The following KIAA0753 variants were observed in gnomAD, a reference collection of about 807,000 sequenced individuals.
KIAA0753 encodes protein moonraker.
A neutral mutation model predicts 116.9 loss-of-function variants in KIAA0753; 114 were observed. That is an observed-to-expected ratio of 0.98 (90% CI 0.84 to 1.14). The LOEUF is 1.14. Ranked by LOEUF, KIAA0753 falls within the 50% of genes most tolerant of loss-of-function variation. The pLI is 0.00. For synonymous variants in KIAA0753, 405 were observed against 413.1 expected, an observed-to-expected ratio of 0.98 and a Z score of 0.24; for missense variants, 1,156 against 1,172.4, an observed-to-expected ratio of 0.99 and a Z score of 0.20.
chr17:6,607,308 C>T lies in KIAA0753; in HGVS notation c.1830-38G>A, dbSNP rs2289641. The T allele has an allele frequency of 3.7e-3, 5,615 of 1,533,684 alleles. 200 individuals are homozygous for T. The Admixed American group carries it at 0.071, about 19-fold the overall frequency. On this transcript the variant is annotated intron_variant, in intron 10 of 18. Transcript: ENST00000361413. ...CAAAAGAGTCAAACCAATTCTGCCT[C>T]GACACTGCAGGGTGTCATCATCACA...
chr17:6,601,145 A>C (rs937247482), intron 12 of KIAA0753: 2 of 152,330 alleles, frequency 1.3e-5, no homozygotes, highest in African/African-American at 4.8e-5. Context: ...TACCAGGTAC[A>C]TCTAGGCCTG....
chr17:6,594,282 C>G (rs1012502934), intron 16 of KIAA0753, among the ~76,000 whole-genome samples: 77 of 149,888 alleles, frequency 5.1e-4, no homozygotes, highest in Admixed American at 2.9e-3. Flanking sequence ...TTCTGACCCC[C>G]CCCCCCAGAA....
intron 7 of KIAA0753, among the ~76,000 whole-genome samples, chr17:6,614,334 A>C (rs1044650563): frequency 9.9e-5 from 15 of 152,204 alleles, no homozygotes; most frequent in Non-Finnish European, 5.9e-5. Flanking sequence ...ATTTCACTTC[A>C]TCATTGTTTA....
In KIAA0753 at chr17:6,590,550, G is replaced by A; in HGVS notation, c.2521C>T (p.Pro841Ser). Residue 841 changes from proline to serine, a missense_variant, in exon 17 of 19, where the codon CCA becomes TCA. Physicochemically the swap from Pro to Ser is moderately conservative, Grantham distance 74. Coordinates refer to ENST00000361413, the MANE Select transcript of KIAA0753 (RefSeq NM_014804.3). ...CTTTCTAACATGATGTTCACGGCTG[G>A]ATCCTTGCGATCCACTGTCTTCGTG... ...RITKTVDRKD[P>S]AVNIMLERPC... The A allele has an allele frequency of 6.2e-7, 1 of 1,614,080 alleles. No homozygotes were observed. The highest frequency in any genetic ancestry group is 1.1e-5 in the South Asian group (1 of 91,076).
At chr17:6,599,720 G>A (rs1056727818) in intron 13 of KIAA0753, among the ~76,000 whole-genome samples, 1 of 151,970 alleles carries the variant, frequency 6.6e-6, no homozygotes, top group Non-Finnish European at 1.5e-5. Context: ...GATTTCCATG[G>A]ACTCTAATAC....
intron 7 of KIAA0753, among the ~76,000 whole-genome samples, chr17:6,614,859 T>A (rs1014998438): frequency 2.0e-5 from 3 of 152,210 alleles, no homozygotes; most frequent in South Asian, 4.1e-4. Flanking sequence ...AGTGCAGTAG[T>A]GTGATCTCGG....
chr17:6,630,297 C>T (rs756733066), intron 2 of KIAA0753, among the ~76,000 whole-genome samples: 19 of 152,056 alleles, frequency 1.2e-4, no homozygotes, highest in Non-Finnish European at 2.2e-4. Flanking sequence ...CTTACCCAAC[C>T]GATTAGCAAA....
rs774793819 is a variant in KIAA0753 at position 6,635,094 on chromosome 17, C to T, written c.10G>A (p.Gly4Ser). The T allele has an allele frequency of 3.1e-6, 5 of 1,613,476 alleles. No homozygotes were observed. Among genetic ancestry groups the T allele is most frequent in the Non-Finnish European group, 4.2e-6 (5 of 1,179,436 alleles). Residue 4 changes from glycine to serine, a missense_variant, in exon 2 of 19, where the codon GGC (glycine) becomes AGC (serine). Transcript: ENST00000361413. ...TGAACACAGGTTGAAGCTGGCTGGC[C>T]TGGTCCCATAATGTCAGGTAGTACA... MGP[G>S]QPASTCVHLA...
In KIAA0753 at chr17:6,610,066, C is replaced by T. The variant is rs748721188; in HGVS notation, c.1640G>A (p.Arg547Gln). The change falls in exon 9 of 19, where the codon CGG becomes CAG. Residue 547 changes from arginine (R) to glutamine (Q), a missense_variant. Arg to Gln is a conservative substitution (Grantham distance 43). Coordinates refer to ENST00000361413, the MANE Select transcript of KIAA0753 (RefSeq NM_014804.3). ...TTVSSRLKMN[R>Q]QPVKDRKAPW... is the part of the protein sequence containing the mutation. ...TGCCTTGCGGTCTTTCACAGGCTGC[C>T]GGTTCATTTTTAATCTGGATGAAAC... is the stretch of plus-strand genomic sequence containing the variant. 21 of 1,613,902 alleles carry T rather than the reference C, an allele frequency of 1.3e-5. No homozygotes were observed. Among genetic ancestry groups the T allele is most frequent in the East Asian group, 2.2e-5 (1 of 44,902 alleles).
chr17:6,592,940 G>A (rs1444213551), intron 16 of KIAA0753, among the ~76,000 whole-genome samples: 2 of 152,048 alleles, frequency 1.3e-5, no homozygotes, highest in East Asian at 1.9e-4. Flanking sequence ...GTGGCTGCCC[G>A]GGTGGGAGAA....
chr17:6,606,726 A>G, intron 12 of KIAA0753, 147 bp downstream of exon 12: 1 of 569,960 alleles, frequency 1.8e-6, no homozygotes, highest in East Asian at 2.9e-5. Flanking sequence ...GCAAAAAAAT[A>G]TGGTATAATA....
Position 6,594,972 on chromosome 17 carries a change from C to T in KIAA0753, c.2440G>A (p.Asp814Asn), listed in dbSNP as rs1400231917. 1 of 1,604,818 alleles carries T rather than the reference C, an allele frequency of 6.2e-7. No homozygotes were observed. Residue 814 changes from aspartate to asparagine, a missense_variant and splice_region_variant, in exon 16 of 19, where the codon GAC (aspartate) becomes AAC (asparagine). Asp to Asn is a conservative substitution (Grantham distance 23, BLOSUM62 1). Transcript: ENST00000361413. ...PRLWMQEENN[D>N]QKISAISEKP... ...GGGAAAAACATGGGGAAACACTCAC[C>T]ATTGTTTTCTTCCTGCATCCAAAGT... is the stretch of plus-strand genomic sequence containing the variant.
At chr17:6,591,534 C>T (rs1969064535) in intron 16 of KIAA0753, among the ~76,000 whole-genome samples, 2 of 152,360 alleles carry the variant, frequency 1.3e-5, no homozygotes, top group Admixed American at 1.3e-4. Flanking sequence ...AGAAACGGAA[C>T]TCTTACTACG....
Position 6,579,660 on chromosome 17 carries a change from G to A in KIAA0753, c.*87C>T, listed in dbSNP as rs1967994655. ...ACCTTCTGGGCCTGGATGGACAGCT[G>A]AGGATGAAAATTTCCTGTGGGCCAA... On this transcript the variant is annotated 3_prime_UTR_variant, in exon 19 of 19. Coordinates refer to ENST00000361413, the MANE Select transcript of KIAA0753 (RefSeq NM_014804.3). The A allele has an allele frequency of 1.1e-6, 1 of 901,128 alleles. No individual in the cohort carries two copies. The highest frequency in any genetic ancestry group is 1.6e-5 in the African/African-American group (1 of 61,330). The allele number at this position is 901,128 out of a possible 1,614,324, so 55.8% of individuals were successfully genotyped here.
chr17:6,603,852 T>C (rs1970026542), intron 12 of KIAA0753, among the ~76,000 whole-genome samples: 1 of 152,208 alleles, frequency 6.6e-6, no homozygotes, highest in Non-Finnish European at 1.5e-5. Context: ...ATTGCTCTAC[T>C]GCAGCCAAAC....
intron 7 of KIAA0753, among the ~76,000 whole-genome samples, chr17:6,618,751 GATATA>G (rs1369790760): frequency 6.6e-6 from 1 of 151,948 alleles, no homozygotes; most frequent in Non-Finnish European, 1.5e-5. Flanking sequence ...ATTCTGGACT[GATATA>G]TATAACTTTC....
chr17:6,623,234 G>T, intron 5 of KIAA0753, 137 bp from the exon 6 acceptor site: 1 of 910,666 alleles, frequency 1.1e-6, no homozygotes, highest in Non-Finnish European at 1.6e-6. Flanking sequence ...TCATAGTAAA[G>T]GGAGTTGTAA....
At chr17:6,615,479 T>C (rs1237450594) in intron 7 of KIAA0753, among the ~76,000 whole-genome samples, 6 of 151,850 alleles carry the variant, frequency 4.0e-5, no homozygotes, top group Admixed American at 3.9e-4. Context: ...ATAAGGCATG[T>C]TGGCAGGTGC....
chr17:6,630,134 A>T (rs997655097), intron 2 of KIAA0753, among the ~76,000 whole-genome samples: 4 of 151,542 alleles, frequency 2.6e-5, no homozygotes, highest in Non-Finnish European at 5.9e-5. Context: ...TAATAATAAT[A>T]ATTATAATAA....
Sources: allele counts gnomAD v4.1 joint callset (sites outside exome capture counted in the v4.1 genomes callset), GRCh38; gene constraint gnomAD v4.1.1; transcripts MANE v1.5; gene names NCBI Gene and HGNC (gene_info 2026-07-23, HGNC 2026-07-21).